KIRREL3: variants seen among roughly 807,000 people sequenced by gnomAD.
KIRREL3 encodes the protein kirre like nephrin family adhesion molecule 3, also known as kin of IRRE-like protein 3.
KIRREL3 carries 36 observed loss-of-function variants against 89.7 expected under a neutral mutation model. The ratio of observed to expected loss-of-function variants is 0.40; its 90% CI spans 0.31 to 0.53. The LOEUF (loss-of-function observed/expected upper bound fraction) is 0.53. Among genes scored for constraint, KIRREL3 ranks in the 20% least tolerant of loss-of-function variants. The pLI is 0.49. For missense variants in KIRREL3, 864 were observed against 1,056.6 expected (o/e 0.82, Z 2.53); for synonymous variants, 445 against 441.4 (o/e 1.01, Z -0.10).
chr11:126,922,603 A>G (rs2134988802), intron 1 of KIRREL3, among the ~76,000 whole-genome samples: 1 of 151,882 alleles, frequency 6.6e-6, no homozygotes, highest in Middle Eastern at 3.4e-3. Flanking sequence ...ACTTCTAGGG[A>G]CCTTGTTCTG....
At chr11:126,583,072 A>G (rs1941641927) in intron 1 of KIRREL3, among the ~76,000 whole-genome samples, 1 of 152,120 alleles carries the variant, frequency 6.6e-6, no homozygotes. Context: ...GTTACCCACC[A>G]TCATGGAAAC....
intron 1 of KIRREL3, among the ~76,000 whole-genome samples, chr11:126,838,079 G>A (rs1156665803): frequency 2.0e-5 from 3 of 152,022 alleles, no homozygotes; most frequent in African/African-American, 7.3e-5. Flanking sequence ...CATTATATTT[G>A]GACATCATCT....
intron 1 of KIRREL3, among the ~76,000 whole-genome samples, chr11:126,688,856 A>G (rs1266087109): frequency 1.3e-5 from 2 of 152,212 alleles, no homozygotes; most frequent in Admixed American, 1.3e-4. Flanking sequence ...TTTCTGCTTA[A>G]TAACAATGAA....
Position 126,562,646 on chromosome 11 carries a change from T to C in KIRREL3, c.133+189A>G, listed in dbSNP as rs1224029524. Among the ~76,000 whole-genome samples, 2 of 152,166 alleles carry C rather than the reference T, an allele frequency of 1.3e-5. No homozygotes were observed. The highest frequency in any genetic ancestry group is 1.3e-4 in the Admixed American group (2 of 15,276). The stretch of plus-strand genomic sequence containing the variant: ...AAAATGCCCCTGAATCAGCATCCTG[T>C]GTTTCAGGCATTCACTATGCTTCCC... On this transcript the variant is annotated intron_variant, in intron 2 of 16. Transcript: ENST00000525144. This position sits in a 1 kb window ranked among gnomAD's most constrained non-coding sequence, Gnocchi z 4.7.
intron 1 of KIRREL3, among the ~76,000 whole-genome samples, chr11:126,923,126 CTTCTCT>C (rs1947431858): frequency 2.3e-5 from 1 of 43,210 alleles, no homozygotes; most frequent in Non-Finnish European, 4.4e-5. Flanking sequence ...CCTTCTCCTT[CTTCTCT>C]TCTTCTTCTT....
At chr11:126,722,258 G>C (rs765134244) in intron 1 of KIRREL3, among the ~76,000 whole-genome samples, 1 of 152,210 alleles carries the variant, frequency 6.6e-6, no homozygotes, top group Non-Finnish European at 1.5e-5. Flanking sequence ...TGGACTAGCT[G>C]TTCCCTCTTC....
rs976902302 is a variant in KIRREL3 at position 126,876,436 on chromosome 11, C to T, written c.55+124019G>A. Among the ~76,000 whole-genome samples the T allele has an allele frequency of 1.3e-5, 2 of 152,136 alleles. No individual in the cohort carries two copies. The highest frequency in any genetic ancestry group is 1.3e-4 in the Admixed American group (2 of 15,276). ...ACAGCACACCCAGGGAGAAAGAAGCCACATAGCTGGCAAGTGGGGACACAC... is the reference window on the plus strand; with the variant it reads ...ACAGCACACCCAGGGAGAAAGAAGCTACATAGCTGGCAAGTGGGGACACAC... On this transcript the variant is annotated intron_variant, in intron 1 of 16. Coordinates refer to ENST00000525144, the MANE Select transcript of KIRREL3 (RefSeq NM_032531.4). This position sits in a 1 kb window ranked among gnomAD's most constrained non-coding sequence, Gnocchi z 4.1.
rs777816923 is a variant in KIRREL3 at position 126,462,623 on chromosome 11, G to A, written c.742+534C>T. On this transcript the variant is annotated intron_variant, in intron 6 of 16. Coordinates refer to ENST00000525144, the MANE Select transcript of KIRREL3 (RefSeq NM_032531.4). The surrounding 1 kb of genome is among the most constrained non-coding windows in gnomAD (Gnocchi z 4.8). ...AGAGGTTGCAGTGAGCCGAGATTGC[G>A]TCATTACACTCCAGCCTGGGCAACA... Among the ~76,000 whole-genome samples the A allele has an allele frequency of 9.2e-5, 14 of 152,108 alleles. No homozygotes were observed. Among genetic ancestry groups the A allele is most frequent in the Non-Finnish European group, 1.5e-4 (10 of 68,026 alleles).
At position 126,552,550 on chromosome 11, in the gene KIRREL3, G is replaced by GTATTTTTTTTT. The variant is rs201214323; in HGVS notation, c.133+10284_133+10285insAAAAAAAAATA. ...TGCATCACACAGGGGAGAGAGAAAAGTTTTTTTTTTTTTTTTTTTTTTTTT... is the reference window on the plus strand; with the variant it reads ...TGCATCACACAGGGGAGAGAGAAAAGTATTTTTTTTTTTTTTTTTTTTTTTTTTTTTTTTTT... On this transcript the variant is annotated intron_variant, in intron 2 of 16. Coordinates refer to ENST00000525144, the MANE Select transcript of KIRREL3 (RefSeq NM_032531.4). Among the ~76,000 whole-genome samples the GTATTTTTTTTT allele has an allele frequency of 2.4e-5, 2 of 81,752 alleles. 1 individual carries two copies. Among genetic ancestry groups the GTATTTTTTTTT allele is most frequent in the African/African-American group, 8.5e-5 (2 of 23,466 alleles). 53.6% of individuals were successfully genotyped at this position (81,752 alleles called of 152,430 possible). A position where few individuals can be genotyped will look rare whatever the true frequency, so the allele number is the denominator to read the frequency against.
chr11:126,483,143 C>T (rs1002993901), intron 4 of KIRREL3, among the ~76,000 whole-genome samples: 3 of 152,162 alleles, frequency 2.0e-5, no homozygotes, highest in Non-Finnish European at 2.9e-5. Flanking sequence ...AGGAAAGAAA[C>T]GGTGTACAGG....
At chr11:126,506,959 C>T (rs1047688488) in intron 4 of KIRREL3, among the ~76,000 whole-genome samples, 4 of 152,124 alleles carry the variant, frequency 2.6e-5, no homozygotes, top group African/African-American at 9.7e-5. Flanking sequence ...AAACTGGAAA[C>T]AATCCGACTG....
chr11:126,984,183 T>C (rs1028305316), intron 1 of KIRREL3, among the ~76,000 whole-genome samples: 5 of 152,300 alleles, frequency 3.3e-5, no homozygotes, highest in African/African-American at 1.2e-4. Flanking sequence ...GTACCTCACC[T>C]CTGAATAGTG....
At chr11:126,512,584 G>C (rs943471013) in intron 4 of KIRREL3, among the ~76,000 whole-genome samples, 1 of 152,204 alleles carries the variant, frequency 6.6e-6, no homozygotes, top group Non-Finnish European at 1.5e-5. Context: ...CATGTTATAG[G>C]AAGGGGCTTA....
At chr11:126,452,493 C>A (rs1318659641) in intron 7 of KIRREL3, among the ~76,000 whole-genome samples, 1 of 152,232 alleles carries the variant, frequency 6.6e-6, no homozygotes, top group East Asian at 1.9e-4. Flanking sequence ...CTGCTCACAG[C>A]TGTGGGTGCC....
Position 126,455,145 on chromosome 11 carries a change from C to T in KIRREL3, c.848+1204G>A, listed in dbSNP as rs376421163. Among the ~76,000 whole-genome samples, 6 of 152,132 alleles carry T rather than the reference C, an allele frequency of 3.9e-5. No homozygotes were observed. The East Asian group carries it at 5.8e-4, about 15-fold the overall frequency. On this transcript the variant is annotated intron_variant, in intron 7 of 16. Coordinates refer to ENST00000525144, the MANE Select transcript of KIRREL3 (RefSeq NM_032531.4). This position sits in a 1 kb window ranked among gnomAD's most constrained non-coding sequence, Gnocchi z 6.4. ...TTTGCAGATGCTGCAGCTTAATGGC[C>T]GAGATCAATGGCAGAGGTGACACCT...
In KIRREL3 at chr11:126,754,223, CAA is replaced by C. The variant is rs1949422555; in HGVS notation, c.56-191313_56-191312del. 6.6e-6 allele frequency among the ~76,000 whole-genome samples: 1 copy of C among 152,118 alleles called. No homozygotes were observed. Among genetic ancestry groups the C allele is most frequent in the South Asian group, 2.1e-4 (1 of 4,818 alleles). Reference sequence around the variant, plus strand: ...TGTCTTTTGATAGAGTAGTCCCTGCCAAAAGTTTTGCTTTGCATCTGGCTACA... The same window carrying C: ...TGTCTTTTGATAGAGTAGTCCCTGCCAAGTTTTGCTTTGCATCTGGCTACA... On this transcript the variant is annotated intron_variant, in intron 1 of 16. Transcript: ENST00000525144. This position sits in a 1 kb window ranked among gnomAD's most constrained non-coding sequence, Gnocchi z 5.1.
At position 126,614,174 on chromosome 11, in the gene KIRREL3, T is replaced by A. The variant is rs562808039; in HGVS notation, c.56-51262A>T. Among the ~76,000 whole-genome samples, 1 of 152,132 alleles carries A rather than the reference T, an allele frequency of 6.6e-6. No individual in the cohort carries two copies. The highest frequency in any genetic ancestry group is 2.4e-5 in the African/African-American group (1 of 41,420). ...AGAGAAGGGGGATTAACATGTGCGC[T>A]TTAAGGGTTGGAAAAGTTCGATCTA... On this transcript the variant is annotated intron_variant, in intron 1 of 16. Transcript: ENST00000525144. This position sits in a 1 kb window ranked among gnomAD's most constrained non-coding sequence, Gnocchi z 4.6.
rs1358995790 is a variant in KIRREL3 at position 126,773,520 on chromosome 11, C to T, written c.56-210608G>A. On this transcript the variant is annotated intron_variant, in intron 1 of 16. Coordinates refer to ENST00000525144, the MANE Select transcript of KIRREL3 (RefSeq NM_032531.4). This position sits in a 1 kb window ranked among gnomAD's most constrained non-coding sequence, Gnocchi z 4.2. ...TCTGTCTTTCTCTATATATCGCTTC[C>T]TGTTGGTTCTGTTTCTCTGGAGAAT... Among the ~76,000 whole-genome samples, 1 of 152,212 alleles carries T rather than the reference C, an allele frequency of 6.6e-6. No individual in the cohort carries two copies. Among genetic ancestry groups the T allele is most frequent in the African/African-American group, 2.4e-5 (1 of 41,454 alleles).
In KIRREL3 at chr11:126,942,990, C is replaced by G. The variant is rs560781772; in HGVS notation, c.55+57465G>C. Among the ~76,000 whole-genome samples the G allele has an allele frequency of 5.3e-5, 8 of 152,350 alleles. No individual in the cohort carries two copies. In the East Asian group the frequency reaches 1.2e-3, roughly 22 times the overall value. On this transcript the variant is annotated intron_variant, in intron 1 of 16. Coordinates refer to ENST00000525144, the MANE Select transcript of KIRREL3 (RefSeq NM_032531.4). ...GCTCTGATTTGTCATATTAAGGAGG[C>G]TATATGACTGTGGAGAGGAACATTA... is the stretch of plus-strand genomic sequence containing the variant.
Sources: gnomAD v4.1 joint callset for allele counts (sites outside exome capture counted in the v4.1 genomes callset) on GRCh38, gnomAD v4.1.1 for gene constraint, Gnocchi (gnomAD v3.1) non-coding constraint, MANE v1.5 for transcripts, NCBI Gene and HGNC (gene_info 2026-07-23, HGNC 2026-07-21) for gene names.